Variants in FARS2 observed in about 807,000 individuals in gnomAD.
FARS2 encodes the protein phenylalanine--tRNA ligase, mitochondrial.
FARS2 carries 40 observed loss-of-function variants against 46.4 expected under a neutral mutation model. The ratio of observed to expected loss-of-function variants is 0.86; its 90% CI spans 0.67 to 1.12. FARS2 has a LOEUF of 1.12. FARS2 is among the 50% of genes most tolerant of loss of function. The probability of loss-of-function intolerance (pLI) is 0.00; values close to 1 mark genes in which losing one functional copy is unlikely to be tolerated. For missense variants in FARS2, 513 were observed against 567.9 expected, an observed-to-expected ratio of 0.90 and a Z score of 0.98; for synonymous variants, 234 against 214.9, an observed-to-expected ratio of 1.09 and a Z score of -0.78.
At position 5,307,119 on chromosome 6, in the gene FARS2, A is replaced by G. The variant is rs79685569; in HGVS notation, c.-22+45459A>G. 8.9e-3 allele frequency among the ~76,000 whole-genome samples: 1,360 copies of G among 152,214 alleles called. 17 individuals are homozygous for G. The highest frequency in any genetic ancestry group is 0.031 in the African/African-American group (1,280 of 41,528). On this transcript the variant is annotated intron_variant, in intron 1 of 6. Coordinates refer to ENST00000274680, the MANE Select transcript of FARS2 (RefSeq NM_006567.5). ...ATTATTACATATGTTTTTCTTTGTTATTATATATTTTTCCTACAGAAGCTT... is the reference window on the plus strand; with the variant it reads ...ATTATTACATATGTTTTTCTTTGTTGTTATATATTTTTCCTACAGAAGCTT...
intron 3 of FARS2, among the ~76,000 whole-genome samples, chr6:5,408,843 C>A (rs893392460): frequency 1.3e-5 from 2 of 152,112 alleles, no homozygotes; most frequent in African/African-American, 4.8e-5. Flanking sequence ...GAGCTGTGTA[C>A]CAGACTGTGG....
intron 5 of FARS2, among the ~76,000 whole-genome samples, chr6:5,589,114 A>T (rs1208263694): frequency 6.6e-6 from 1 of 152,142 alleles, no homozygotes; most frequent in African/African-American, 2.4e-5. Context: ...TGATACCTTT[A>T]TAATCCCAAG....
At position 5,372,144 on chromosome 6, in the gene FARS2, C is replaced by T. The variant is rs563704920; in HGVS notation, c.612+2962C>T. Among the ~76,000 whole-genome samples the T allele has an allele frequency of 2.0e-5, 3 of 152,116 alleles. No homozygotes were observed. In the South Asian group the frequency reaches 6.2e-4, roughly 31 times the overall value. On this transcript the variant is annotated intron_variant, in intron 2 of 6. Transcript: ENST00000274680. ...TGTATTCAACATCATAGGCTTAGTA[C>T]ATAAAGCAAAACTGAAGAATTAAAA...
At chr6:5,553,144 G>A (rs1235594475) in intron 5 of FARS2, among the ~76,000 whole-genome samples, 2 of 152,130 alleles carry the variant, frequency 1.3e-5, no homozygotes, top group South Asian at 2.1e-4. Flanking sequence ...AATGTTGGCT[G>A]TTATCTTTTT....
rs748157826 is a variant in FARS2 at position 5,431,002 on chromosome 6, AT to A, written c.773-36del. On this transcript the variant is annotated intron_variant, in intron 3 of 6. Coordinates refer to ENST00000274680, the MANE Select transcript of FARS2 (RefSeq NM_006567.5). ...TGATCACAAGAAAGGGCAGACAGCT[AT>A]TTAACACTACTTATTTGTTTCTTTG... The A allele has an allele frequency of 6.9e-6, 11 of 1,603,504 alleles. No homozygotes were observed. The South Asian group carries it at 1.2e-4, about 18-fold the overall frequency.
intron 6 of FARS2, among the ~76,000 whole-genome samples, chr6:5,732,398 G>A (rs1477317647): frequency 1.3e-5 from 2 of 152,096 alleles, no homozygotes; most frequent in Admixed American, 6.5e-5. Context: ...CCTCACAGTC[G>A]GGCCTGGCAC....
At chr6:5,520,942 A>G (rs1427139428) in intron 4 of FARS2, among the ~76,000 whole-genome samples, 3 of 152,156 alleles carry the variant, frequency 2.0e-5, no homozygotes, top group Non-Finnish European at 2.9e-5. Context: ...TGCTACCCCC[A>G]AAAGAATCAG....
At position 5,471,845 on chromosome 6, in the gene FARS2, G is replaced by C. The variant is rs1248280073; in HGVS notation, c.904+40673G>C. Among the ~76,000 whole-genome samples, 1 of 152,220 alleles carries C rather than the reference G, an allele frequency of 6.6e-6. No individual in the cohort carries two copies. Among genetic ancestry groups the C allele is most frequent in the Non-Finnish European group, 1.5e-5 (1 of 68,042 alleles). The stretch of plus-strand genomic sequence containing the variant: ...GAGAATTGAGCCCAGGGAAGCTGCA[G>C]TGTGGTGCAGCAGATGCGTACTGGT... On this transcript the variant is annotated intron_variant, in intron 4 of 6. Coordinates refer to ENST00000274680, the MANE Select transcript of FARS2 (RefSeq NM_006567.5). This position sits in a 1 kb window ranked among gnomAD's most constrained non-coding sequence, Gnocchi z 4.1.
chr6:5,388,762 T>C (rs1248368766), intron 2 of FARS2, among the ~76,000 whole-genome samples: 2 of 152,072 alleles, frequency 1.3e-5, no homozygotes, highest in African/African-American at 2.4e-5. Flanking sequence ...CTATATGGAA[T>C]CATTCTGAAA....
At chr6:5,452,953 A>G (rs145247087) in intron 4 of FARS2, among the ~76,000 whole-genome samples, 214 of 152,188 alleles carry the variant, frequency 1.4e-3, no homozygotes, top group African/African-American at 4.9e-3. Flanking sequence ...ATATCACTAG[A>G]TGTTTTGCAG....
At chr6:5,761,750 T>C (rs1762485038) in intron 6 of FARS2, among the ~76,000 whole-genome samples, 1 of 150,882 alleles carries the variant, frequency 6.6e-6, no homozygotes, top group Non-Finnish European at 1.5e-5. Flanking sequence ...AATGGAATAG[T>C]TGAAAAGAAT....
At chr6:5,397,366 G>A (rs1760971458) in intron 2 of FARS2, among the ~76,000 whole-genome samples, 1 of 152,192 alleles carries the variant, frequency 6.6e-6, no homozygotes, top group South Asian at 2.1e-4. Flanking sequence ...TACTATAATG[G>A]TGGATGTATG....
chr6:5,427,988 A>G (rs1438281327), intron 3 of FARS2, among the ~76,000 whole-genome samples: 1 of 152,222 alleles, frequency 6.6e-6, no homozygotes, highest in Admixed American at 6.5e-5. Flanking sequence ...GAGCCATCAC[A>G]TCACTTCTCA....
At chr6:5,638,180 A>C (rs990572040) in intron 6 of FARS2, among the ~76,000 whole-genome samples, 1 of 152,162 alleles carries the variant, frequency 6.6e-6, no homozygotes, top group Admixed American at 6.5e-5. Flanking sequence ...TTAAACAATG[A>C]TATGCTTGGC....
chr6:5,656,624 C>G (rs768287051), intron 6 of FARS2, among the ~76,000 whole-genome samples: 2 of 151,852 alleles, frequency 1.3e-5, no homozygotes, highest in Non-Finnish European at 2.9e-5. Flanking sequence ...AATCTCAGCT[C>G]ACTGCAACCT....
At chr6:5,612,206 T>G (rs1280320908) in intron 5 of FARS2, among the ~76,000 whole-genome samples, 2 of 152,262 alleles carry the variant, frequency 1.3e-5, no homozygotes, top group Non-Finnish European at 2.9e-5. Flanking sequence ...GAGCATTTAG[T>G]TCTTCAGATA....
intron 4 of FARS2, among the ~76,000 whole-genome samples, chr6:5,503,313 G>C (rs1471708506): frequency 6.6e-6 from 1 of 151,258 alleles, no homozygotes; most frequent in Non-Finnish European, 1.5e-5. Context: ...CACAAGGACT[G>C]TGGTCAATAA....
At chr6:5,577,715 A>C (rs1213621059) in intron 5 of FARS2, among the ~76,000 whole-genome samples, 1 of 152,226 alleles carries the variant, frequency 6.6e-6, no homozygotes, top group Non-Finnish European at 1.5e-5. Flanking sequence ...GGAAAGTGGG[A>C]TATACCAATA....
At chr6:5,389,423 C>T (rs1467055231) in intron 2 of FARS2, among the ~76,000 whole-genome samples, 1 of 152,124 alleles carries the variant, frequency 6.6e-6, no homozygotes, top group Non-Finnish European at 1.5e-5. Flanking sequence ...CTTTCATGTA[C>T]TCAATCTGTC....
Sources: allele counts gnomAD v4.1 joint callset (sites outside exome capture counted in the v4.1 genomes callset), GRCh38; gene constraint gnomAD v4.1.1; non-coding constraint Gnocchi (gnomAD v3.1); transcripts MANE v1.5; gene names NCBI Gene and HGNC (gene_info 2026-07-23, HGNC 2026-07-21).